Variants in COPG2 observed in about 807,000 individuals in gnomAD.
The protein encoded by COPG2 is coat protein complex I subunit gamma 2.
A neutral mutation model predicts 46.3 loss-of-function variants in COPG2; 37 were observed. That is an observed-to-expected ratio of 0.80 (90% CI 0.61 to 1.05). The LOEUF is 1.05. Among genes scored for constraint, COPG2 ranks in the 50% least tolerant of loss-of-function variants. The pLI is 0.00. For missense variants in COPG2, 427 were observed against 387.8 expected (o/e 1.10, Z -0.85); for synonymous variants, 159 against 129.7 (o/e 1.23, Z -1.53).
intron 9 of COPG2, among the ~76,000 whole-genome samples, chr7:130,574,287 G>A (rs1554445894): frequency 6.6e-6 from 1 of 152,212 alleles, no homozygotes; most frequent in Non-Finnish European, 1.5e-5. Context: ...CTGAGGCCAG[G>A]TGCAGTGGCT....
intron 9 of COPG2, among the ~76,000 whole-genome samples, chr7:130,566,475 G>A (rs920446265): frequency 3.3e-5 from 5 of 152,208 alleles, no homozygotes; most frequent in African/African-American, 7.2e-5. Context: ...ATACGAACCC[G>A]AAGGAATATG....
chr7:130,540,583 G>A (rs1442588470), intron 20 of COPG2, among the ~76,000 whole-genome samples: 2 of 152,054 alleles, frequency 1.3e-5, no homozygotes, highest in African/African-American at 4.8e-5. Context: ...TCAGAGGTGT[G>A]TTAAAGGGCA....
intron 7 of COPG2, among the ~76,000 whole-genome samples, chr7:130,612,505 G>GGACA (rs1349715279): frequency 3.9e-5 from 6 of 152,080 alleles, no homozygotes; most frequent in African/African-American, 1.4e-4. Flanking sequence ...GGATAGGGAT[G>GGACA]GACAGTCAAC....
intron 20 of COPG2, among the ~76,000 whole-genome samples, chr7:130,521,091 G>GT (rs1166448525): frequency 2.0e-5 from 3 of 152,122 alleles, no homozygotes; most frequent in Non-Finnish European, 4.4e-5. Context: ...ATAATGCAAT[G>GT]TAAGTGTTTG....
At chr7:130,629,227 G>C (rs1282473623) in intron 5 of COPG2, among the ~76,000 whole-genome samples, 1 of 151,540 alleles carries the variant, frequency 6.6e-6, no homozygotes. Flanking sequence ...TTTTCTTTTT[G>C]GCAGTTTCAC....
rs1793690010 is a variant in COPG2, at chr7:130,559,880, T to C, written c.1128+1153A>G. 1.3e-5 allele frequency among the ~76,000 whole-genome samples: 2 copies of C among 152,288 alleles called. 1 individual carries two copies. The highest frequency in any genetic ancestry group is 4.1e-4 in the South Asian group (2 of 4,820). ...GGGTTAGTTATATTACTTGACTGAGTATAAAAAAAGAATGAAGCAATAAAA... is the reference window on the plus strand; with the variant it reads ...GGGTTAGTTATATTACTTGACTGAGCATAAAAAAAGAATGAAGCAATAAAA... On this transcript the variant is annotated intron_variant, in intron 12 of 23. Transcript: ENST00000425248.
At chr7:130,577,778 A>AC (rs1291329527) in intron 9 of COPG2, among the ~76,000 whole-genome samples, 2 of 150,992 alleles carry the variant, frequency 1.3e-5, no homozygotes, top group Admixed American at 6.6e-5. Flanking sequence ...AAAAAAAAAA[A>AC]AAAAAAAAAA....
At chr7:130,587,417 C>T (rs1794298376) in intron 9 of COPG2, among the ~76,000 whole-genome samples, 1 of 152,008 alleles carries the variant, frequency 6.6e-6, no homozygotes, top group Non-Finnish European at 1.5e-5. Context: ...ATTGTTACTA[C>T]AAAAATCATT....
intron 17 of COPG2, among the ~76,000 whole-genome samples, chr7:130,549,999 T>C (rs1444638166): frequency 6.6e-6 from 1 of 152,204 alleles, no homozygotes; most frequent in African/African-American, 2.4e-5. Flanking sequence ...CTGTAATGCT[T>C]TGCATTAAAA....
At chr7:130,517,825 G>A (rs932936458) in intron 20 of COPG2, among the ~76,000 whole-genome samples, 2 of 152,220 alleles carry the variant, frequency 1.3e-5, no homozygotes, top group African/African-American at 2.4e-5. Context: ...AGGGTTCTGA[G>A]TGGTCAAGTT....
At chr7:130,533,478 G>A (rs1799848828) in intron 20 of COPG2, among the ~76,000 whole-genome samples, 1 of 151,884 alleles carries the variant, frequency 6.6e-6, no homozygotes, top group South Asian at 2.1e-4. Context: ...GTGGAAGGAG[G>A]GTGCAGCGGT....
chr7:130,546,527 G>A (rs1793446117), intron 20 of COPG2, among the ~76,000 whole-genome samples: 1 of 152,158 alleles, frequency 6.6e-6, no homozygotes, highest in South Asian at 2.1e-4. Flanking sequence ...TACTCAGGGG[G>A]TTATGGATCC....
chr7:130,596,554 C>T (rs187134436), intron 9 of COPG2, among the ~76,000 whole-genome samples: 1 of 152,268 alleles, frequency 6.6e-6, no homozygotes, highest in East Asian at 1.9e-4. Context: ...GCCATGGACG[C>T]CTGGGCAACA....
At chr7:130,649,879 T>C (rs1795703148) in intron 5 of COPG2, among the ~76,000 whole-genome samples, 1 of 152,226 alleles carries the variant, frequency 6.6e-6, no homozygotes, top group African/African-American at 2.4e-5. Context: ...TAGTCTTCTA[T>C]TGCTGCTGTA....
chr7:130,601,984 A>G (rs1251774217), intron 9 of COPG2, among the ~76,000 whole-genome samples: 5 of 152,196 alleles, frequency 3.3e-5, no homozygotes, highest in Non-Finnish European at 5.9e-5. Flanking sequence ...CAACAACTAT[A>G]TAAGTAAAAT....
chr7:130,620,118 G>A (rs2116520309), intron 5 of COPG2, among the ~76,000 whole-genome samples: 1 of 152,176 alleles, frequency 6.6e-6, no homozygotes, highest in East Asian at 1.9e-4. Flanking sequence ...CTTTTTTAAT[G>A]TTTTATCTAT....
intron 12 of COPG2, among the ~76,000 whole-genome samples, chr7:130,558,544 C>G (rs1371741869): frequency 2.6e-5 from 4 of 152,176 alleles, no homozygotes; most frequent in Admixed American, 2.6e-4. Flanking sequence ...CATACTAATA[C>G]AGAAGATCTT....
At chr7:130,535,439 G>A (rs1393311012) in intron 20 of COPG2, among the ~76,000 whole-genome samples, 1 of 151,914 alleles carries the variant, frequency 6.6e-6, no homozygotes, top group African/African-American at 2.4e-5. Context: ...GAGGTGAAGG[G>A]GGAGGTCCCA....
intron 20 of COPG2, among the ~76,000 whole-genome samples, chr7:130,525,389 G>A (rs1022736464): frequency 6.6e-6 from 1 of 152,180 alleles, no homozygotes; most frequent in African/African-American, 2.4e-5. Context: ...TAGGTCCACA[G>A]GAGAATGTGG....
Sources: allele counts gnomAD v4.1 joint callset (sites outside exome capture counted in the v4.1 genomes callset), GRCh38; gene constraint gnomAD v4.1.1; transcripts MANE v1.5; gene names NCBI Gene and HGNC (gene_info 2026-07-23, HGNC 2026-07-21).